The following LY86 variants were observed in gnomAD, a reference collection of about 807,000 sequenced individuals.
LY86 encodes MD-1, RP105-associated.
Under a neutral mutation model 17.3 loss-of-function variants are expected in LY86, and 20 were observed. The ratio of observed to expected loss-of-function variants is 1.15; its 90% CI spans 0.81 to 1.68. LY86 has a LOEUF of 1.68. LY86 is among the 40% of genes most tolerant of loss of function. LY86 has a pLI of 0.00. For missense variants in LY86, 200 were observed against 191.9 expected (o/e 1.04, Z -0.25); for synonymous variants, 74 against 70.6 (o/e 1.05, Z -0.24).
intron 3 of LY86, among the ~76,000 whole-genome samples, chr6:6,638,668 A>C (rs1275365407): frequency 2.6e-5 from 4 of 151,624 alleles, no homozygotes; most frequent in Admixed American, 6.6e-5. Flanking sequence ...TTTTTTTATT[A>C]TTATTATACT....
intron 3 of LY86, among the ~76,000 whole-genome samples, chr6:6,639,312 T>A (rs2064237): frequency 0.33 from 49,326 of 151,740 alleles, 8,176 homozygotes; most frequent in Middle Eastern, 0.43. Context: ...CCCTTTGTGG[T>A]GAGCACAAAT....
chr6:6,588,839 C>T lies in LY86; in HGVS notation c.105C>T (p.Asp35=). 1 of 1,614,124 alleles carries T rather than the reference C, an allele frequency of 6.2e-7. No individual in the cohort carries two copies. The highest frequency in any genetic ancestry group is 8.5e-7 in the Non-Finnish European group (1 of 1,179,980). The change falls in exon 1 of 5, where the codon GAC becomes GAT. Residue 35 remains aspartate, a synonymous_variant. Transcript: ENST00000230568. ...KAWPTHVVCS[D]SGLEVLYQSC... is the part of the protein sequence containing the mutation. The stretch of plus-strand genomic sequence containing the variant: ...GGCCCACACACGTGGTCTGTAGCGA[C>T]AGCGGCTTGGAAGTGCTCTACCAGA...
intron 1 of LY86, among the ~76,000 whole-genome samples, chr6:6,612,236 G>A (rs935133075): frequency 1.3e-5 from 2 of 152,192 alleles, no homozygotes; most frequent in African/African-American, 2.4e-5. Context: ...AAGAGGGCGT[G>A]TCCAGAGTTT....
chr6:6,628,989 A>G (rs1348712727), intron 3 of LY86, among the ~76,000 whole-genome samples: 4 of 152,226 alleles, frequency 2.6e-5, no homozygotes, highest in African/African-American at 9.6e-5. Flanking sequence ...TTGCCTGCGT[A>G]TGGTTTTAAT....
intron 1 of LY86, among the ~76,000 whole-genome samples, chr6:6,608,574 C>T (rs566107818): frequency 1.3e-5 from 2 of 152,294 alleles, no homozygotes; most frequent in African/African-American, 4.8e-5. Flanking sequence ...GCAGCTTAAG[C>T]CTGGGCAAAA....
chr6:6,613,991 G>A (rs1761481047), intron 1 of LY86, among the ~76,000 whole-genome samples: 1 of 152,346 alleles, frequency 6.6e-6, no homozygotes, highest in East Asian at 1.9e-4. Flanking sequence ...TTTTCATACA[G>A]TTTATTCCTT....
intron 1 of LY86, among the ~76,000 whole-genome samples, chr6:6,612,698 G>A (rs991982284): frequency 6.6e-6 from 1 of 152,184 alleles, no homozygotes; most frequent in African/African-American, 2.4e-5. Context: ...GGTGCTGATT[G>A]GTCGCGTTTA....
At chr6:6,601,387 ATG>A (rs1760902604) in intron 1 of LY86, among the ~76,000 whole-genome samples, 1 of 57,502 alleles carries the variant, frequency 1.7e-5, no homozygotes, top group Non-Finnish European at 7.0e-5. Flanking sequence ...AGGGCAGATG[ATG>A]AAGAGGGTAA....
At chr6:6,624,615 T>TA (rs1209093161) in intron 1 of LY86, among the ~76,000 whole-genome samples, 2 of 152,130 alleles carry the variant, frequency 1.3e-5, no homozygotes, top group Non-Finnish European at 2.9e-5. Context: ...GTTCAGGAAC[T>TA]AAAAAAATTC....
chr6:6,610,128 G>A (rs552594182), intron 1 of LY86, among the ~76,000 whole-genome samples: 18 of 152,272 alleles, frequency 1.2e-4, no homozygotes, highest in African/African-American at 4.3e-4. Flanking sequence ...ACCCTGCATA[G>A]AACTACAAGA....
At chr6:6,651,321 G>A (rs1762183699) in intron 4 of LY86, among the ~76,000 whole-genome samples, 1 of 152,102 alleles carries the variant, frequency 6.6e-6, no homozygotes, top group Non-Finnish European at 1.5e-5. Flanking sequence ...TTCACCTCTG[G>A]GTTTGTTTCC....
intron 1 of LY86, among the ~76,000 whole-genome samples, chr6:6,595,100 G>A (rs1472129419): frequency 6.6e-6 from 1 of 151,818 alleles, no homozygotes. Flanking sequence ...AGGATGGGGA[G>A]GAAGAGGAGA....
rs138093269 is a variant in LY86, at chr6:6,605,918, G to A, written c.136+17048G>A. The stretch of plus-strand genomic sequence containing the variant: ...TAGTCTCGCTGGCTTCAGGAATGAA[G>A]CTGCAGACCTTCACAGTATGGGTTA... On this transcript the variant is annotated intron_variant, in intron 1 of 4. Coordinates refer to ENST00000230568, the MANE Select transcript of LY86 (RefSeq NM_004271.4). Among the ~76,000 whole-genome samples, 48 of 152,296 alleles carry A rather than the reference G, an allele frequency of 3.2e-4. No individual in the cohort carries two copies. In the East Asian group the frequency reaches 3.9e-3, roughly 12 times the overall value.
At chr6:6,644,246 G>A (rs1480955111) in intron 3 of LY86, among the ~76,000 whole-genome samples, 19 of 152,126 alleles carry the variant, frequency 1.2e-4, no homozygotes, top group South Asian at 2.1e-4. Context: ...AGGACCAGCC[G>A]GGTGCAGTGG....
intron 4 of LY86, among the ~76,000 whole-genome samples, chr6:6,651,080 C>T (rs1561794191): frequency 6.6e-6 from 1 of 152,170 alleles, no homozygotes. Flanking sequence ...TATAGTATTC[C>T]ATTGTGTATA....
chr6:6,648,176 C>G (rs1762134835), intron 3 of LY86, among the ~76,000 whole-genome samples: 2 of 152,140 alleles, frequency 1.3e-5, no homozygotes, highest in African/African-American at 4.8e-5. Context: ...ACCACCACCA[C>G]CCTTCACCAA....
chr6:6,613,365 C>T (rs1480222178), intron 1 of LY86, among the ~76,000 whole-genome samples: 1 of 152,214 alleles, frequency 6.6e-6, no homozygotes, highest in Non-Finnish European at 1.5e-5. Flanking sequence ...TGCTCATAAG[C>T]TCACAGCGGG....
intron 1 of LY86, among the ~76,000 whole-genome samples, chr6:6,612,207 C>T (rs939426404): frequency 3.3e-5 from 5 of 152,130 alleles, no homozygotes; most frequent in Non-Finnish European, 4.4e-5. Context: ...AGCCACAGAC[C>T]CTCACAGTTA....
chr6:6,650,633 A>G (rs1762174522), intron 4 of LY86, among the ~76,000 whole-genome samples: 1 of 152,186 alleles, frequency 6.6e-6, no homozygotes. Context: ...ATCTTATGGA[A>G]CAATATGAAA....
Sources: gnomAD v4.1 joint callset for allele counts (sites outside exome capture counted in the v4.1 genomes callset) on GRCh38, gnomAD v4.1.1 for gene constraint, MANE v1.5 for transcripts, NCBI Gene and HGNC (gene_info 2026-07-23, HGNC 2026-07-21) for gene names.